HOMER2: variants seen among roughly 807,000 people sequenced by gnomAD.
The protein encoded by HOMER2 is homer protein homolog 2.
In HOMER2, 27 loss-of-function variants were observed where a neutral mutation model predicts 47.0. The observed-to-expected ratio is 0.57, with a 90% CI of 0.42 to 0.79. HOMER2 has a LOEUF of 0.79. Among genes scored for constraint, HOMER2 ranks in the 30% least tolerant of loss-of-function variants. HOMER2 has a pLI of 0.00. For missense variants in HOMER2, 443 were observed against 435.0 expected, an observed-to-expected ratio of 1.02 and a Z score of -0.16; for synonymous variants, 161 against 163.8, an observed-to-expected ratio of 0.98 and a Z score of 0.13.
chr15:82,856,910 G>A (rs1017063083), intron 5 of HOMER2, among the ~76,000 whole-genome samples: 3 of 152,146 alleles, frequency 2.0e-5, no homozygotes, highest in Admixed American at 6.5e-5. Context: ...AGTGGAACAC[G>A]GGCCATGTGA....
intron 1 of HOMER2, among the ~76,000 whole-genome samples, chr15:82,925,238 C>G (rs894223421): frequency 6.6e-6 from 1 of 152,242 alleles, no homozygotes; most frequent in African/African-American, 2.4e-5. Context: ...CAAGGTTTCA[C>G]AGCCCCTGCA....
intron 1 of HOMER2, among the ~76,000 whole-genome samples, chr15:82,893,478 G>GCA (rs2052791382): frequency 6.6e-6 from 1 of 151,636 alleles, no homozygotes; most frequent in South Asian, 2.1e-4. Context: ...GATTACAGGC[G>GCA]TGTGCCACTG....
At chr15:82,937,439 C>T (rs1011794927) in intron 1 of HOMER2, among the ~76,000 whole-genome samples, 8 of 152,140 alleles carry the variant, frequency 5.3e-5, no homozygotes, top group African/African-American at 9.7e-5. Context: ...ATGAGACACA[C>T]GTTAAGTCAG....
chr15:82,937,771 G>A (rs569357741), intron 1 of HOMER2, among the ~76,000 whole-genome samples: 2 of 152,294 alleles, frequency 1.3e-5, no homozygotes, highest in South Asian at 4.1e-4. Flanking sequence ...GGCTGTGGAT[G>A]GCAAAGCACT....
intron 2 of HOMER2, among the ~76,000 whole-genome samples, chr15:82,891,173 T>C (rs1327878332): frequency 6.6e-6 from 1 of 152,112 alleles, no homozygotes; most frequent in African/African-American, 2.4e-5. Flanking sequence ...AACTCTCCTC[T>C]ACCAGCCAGG....
At chr15:82,910,761 G>A (rs559024170) in intron 1 of HOMER2, among the ~76,000 whole-genome samples, 3 of 152,062 alleles carry the variant, frequency 2.0e-5, no homozygotes, top group Admixed American at 6.6e-5. Flanking sequence ...TTTTGTCTCC[G>A]GGGCCTGTTC....
intron 1 of HOMER2, among the ~76,000 whole-genome samples, chr15:82,960,260 C>T (rs1460855315): frequency 6.6e-6 from 1 of 152,160 alleles, no homozygotes; most frequent in Non-Finnish European, 1.5e-5. Context: ...CAATTTTGGA[C>T]ATGCTGAGAT....
intron 1 of HOMER2, among the ~76,000 whole-genome samples, chr15:82,920,265 T>C (rs544424706): frequency 2.6e-5 from 4 of 152,352 alleles, no homozygotes; most frequent in Admixed American, 2.0e-4. Context: ...CTTTAAGTCC[T>C]TGCACATCAG....
At chr15:82,879,287 A>G (rs2052448593) in intron 2 of HOMER2, among the ~76,000 whole-genome samples, 1 of 152,162 alleles carries the variant, frequency 6.6e-6, no homozygotes, top group Admixed American at 6.5e-5. Context: ...CTCGAGCCCA[A>G]GAGTTCGAGA....
At chr15:82,982,144 T>A (rs1458037326) in intron 1 of HOMER2, among the ~76,000 whole-genome samples, 5 of 152,200 alleles carry the variant, frequency 3.3e-5, no homozygotes, top group Non-Finnish European at 1.5e-5. Flanking sequence ...GATATTACTA[T>A]CCAGAAGAAT....
At chr15:82,903,677 A>ACG (rs1171720739) in intron 1 of HOMER2, among the ~76,000 whole-genome samples, 5 of 151,744 alleles carry the variant, frequency 3.3e-5, no homozygotes, top group Non-Finnish European at 4.4e-5. Flanking sequence ...ACACACACAC[A>ACG]CGCCACACCC....
At chr15:82,919,050 G>A (rs144474691) in intron 1 of HOMER2, among the ~76,000 whole-genome samples, 1 of 152,316 alleles carries the variant, frequency 6.6e-6, no homozygotes, top group Non-Finnish European at 1.5e-5. Context: ...CCCTCAGGGT[G>A]CAGAGCAGGG....
chr15:82,958,744 G>T, exon 2 of HOMER2: 1 of 152,674 alleles, frequency 6.5e-6, no homozygotes, highest in Non-Finnish European at 1.5e-5. Context: ...CAATGCAAGG[G>T]CCTGGGAAGC....
chr15:82,962,250 A>G (rs1174351815), intron 1 of HOMER2, among the ~76,000 whole-genome samples: 1 of 151,708 alleles, frequency 6.6e-6, no homozygotes, highest in Non-Finnish European at 1.5e-5. Context: ...GGCTAGTCCC[A>G]GCTACTCGGG....
chr15:82,876,083 C>T (rs1402709751), intron 2 of HOMER2, among the ~76,000 whole-genome samples: 2 of 152,162 alleles, frequency 1.3e-5, no homozygotes, highest in African/African-American at 4.8e-5. Context: ...GAGCAAGCTA[C>T]CTGTTGGGGG....
Position 82,872,757 on chromosome 15 carries a change from C to G in HOMER2, c.294+2516G>C, listed in dbSNP as rs552614027. Among the ~76,000 whole-genome samples, 12 of 152,284 alleles carry G rather than the reference C, an allele frequency of 7.9e-5. No individual in the cohort carries two copies. In the South Asian group the frequency reaches 2.5e-3, roughly 32 times the overall value. On this transcript the variant is annotated intron_variant, in intron 3 of 8. Coordinates refer to ENST00000450735, the MANE Select transcript of HOMER2 (RefSeq NM_004839.4). Reference sequence around the variant, plus strand: ...AGGGAAATCTTCCCTGTGGACAAACCCCGAACATCTCATGGTGCCACATGC... The same window carrying G: ...AGGGAAATCTTCCCTGTGGACAAACGCCGAACATCTCATGGTGCCACATGC...
chr15:82,856,529 G>A (rs376222178), intron 5 of HOMER2, among the ~76,000 whole-genome samples: 6 of 152,066 alleles, frequency 3.9e-5, no homozygotes, highest in African/African-American at 1.4e-4. Flanking sequence ...TGAGGCGGGG[G>A]GATCAGTCGA....
At chr15:82,858,520 T>C (rs2051663013) in intron 5 of HOMER2, among the ~76,000 whole-genome samples, 1 of 152,236 alleles carries the variant, frequency 6.6e-6, no homozygotes, top group Non-Finnish European at 1.5e-5. Flanking sequence ...GGTCTCAAAC[T>C]CCTAGGCTCA....
At chr15:82,932,683 G>A (rs1404278793) in intron 1 of HOMER2, among the ~76,000 whole-genome samples, 1 of 151,994 alleles carries the variant, frequency 6.6e-6, no homozygotes, top group Non-Finnish European at 1.5e-5. Context: ...ACACCCCTGA[G>A]CCTCCACAAG....
Sources: gnomAD v4.1 joint callset for allele counts (sites outside exome capture counted in the v4.1 genomes callset) on GRCh38, gnomAD v4.1.1 for gene constraint, MANE v1.5 for transcripts, NCBI Gene and HGNC (gene_info 2026-07-23, HGNC 2026-07-21) for gene names.